Variants in TCF7L2 observed in about 807,000 individuals in gnomAD.
TCF7L2 encodes transcription factor 7-like 2.
Under a neutral mutation model 77.9 loss-of-function variants are expected in TCF7L2, and 23 were observed. The ratio of observed to expected loss-of-function variants is 0.30; its 90% CI spans 0.21 to 0.42. TCF7L2 has a LOEUF of 0.42. Ranked by LOEUF, TCF7L2 falls within the 10% of genes least tolerant of loss-of-function variation. TCF7L2 has a pLI of 1.00. For missense variants in TCF7L2, 654 were observed against 793.1 expected (o/e 0.82, Z 2.11); for synonymous variants, 413 against 340.2 (o/e 1.21, Z -2.36).
At chr10:113,161,853 C>T (rs923102989) in intron 13 of TCF7L2, among the ~76,000 whole-genome samples, 4 of 152,182 alleles carry the variant, frequency 2.6e-5, no homozygotes, top group Non-Finnish European at 4.4e-5. Context: ...AGAGTATTCC[C>T]TGAGAGGGAG....
intron 5 of TCF7L2, among the ~76,000 whole-genome samples, chr10:113,088,400 TG>T (rs1364740804): frequency 1.3e-5 from 2 of 152,140 alleles, no homozygotes; most frequent in Admixed American, 1.3e-4. Context: ...CTCTGTGAAA[TG>T]GGCATGATAC....
At chr10:113,000,043 G>A (rs1285811786) in intron 4 of TCF7L2, among the ~76,000 whole-genome samples, 1 of 152,194 alleles carries the variant, frequency 6.6e-6, no homozygotes, top group East Asian at 1.9e-4. Context: ...CACTGTCTAA[G>A]CAGTTGCCTC....
At chr10:113,156,690 A>T (rs941544164) in intron 11 of TCF7L2, among the ~76,000 whole-genome samples, 1 of 152,194 alleles carries the variant, frequency 6.6e-6, no homozygotes, top group African/African-American at 2.4e-5. Flanking sequence ...AGGTTGGAGA[A>T]TATGAAAGAC....
intron 7 of TCF7L2, among the ~76,000 whole-genome samples, chr10:113,145,608 G>A (rs1294330447): frequency 1.3e-5 from 2 of 151,954 alleles, no homozygotes; most frequent in African/African-American, 4.8e-5. Context: ...AAGCGCAACT[G>A]AAGTCCTTTG....
At chr10:112,998,072 G>C (rs138156104) in intron 4 of TCF7L2, among the ~76,000 whole-genome samples, 447 of 151,332 alleles carry the variant, frequency 3.0e-3, no homozygotes, top group Non-Finnish European at 4.8e-3. Context: ...GAGATGAGGT[G>C]GGGAGGAGGG....
chr10:113,034,680 G>A (rs1269743037), intron 4 of TCF7L2, among the ~76,000 whole-genome samples: 2 of 152,144 alleles, frequency 1.3e-5, no homozygotes, highest in African/African-American at 4.8e-5. Flanking sequence ...AGGGTCATCT[G>A]AGGTCAGGAG....
At chr10:113,021,790 G>A (rs1212074912) in intron 4 of TCF7L2, among the ~76,000 whole-genome samples, 1 of 152,164 alleles carries the variant, frequency 6.6e-6, no homozygotes, top group Non-Finnish European at 1.5e-5. Flanking sequence ...TTGACAGCGT[G>A]GACTTTTGCT....
chr10:112,996,779 G>A (rs1316507059), intron 4 of TCF7L2, among the ~76,000 whole-genome samples: 1 of 152,182 alleles, frequency 6.6e-6, no homozygotes, highest in East Asian at 1.9e-4. Context: ...TGAAAGTCAT[G>A]GTTCGTTAAA....
At chr10:113,139,433 G>A (rs535604433) in intron 5 of TCF7L2, among the ~76,000 whole-genome samples, 1 of 152,126 alleles carries the variant, frequency 6.6e-6, no homozygotes, top group African/African-American at 2.4e-5. Context: ...CTTCACCCTG[G>A]CCATGGCCTG....
At chr10:113,108,374 C>T (rs1379871656) in intron 5 of TCF7L2, among the ~76,000 whole-genome samples, 1 of 151,854 alleles carries the variant, frequency 6.6e-6, no homozygotes, top group African/African-American at 2.4e-5. Context: ...CTTTTGTGTC[C>T]GGTGCTCTCC....
At chr10:113,029,757 G>T (rs988496109) in intron 4 of TCF7L2, among the ~76,000 whole-genome samples, 3 of 151,992 alleles carry the variant, frequency 2.0e-5, no homozygotes, top group African/African-American at 7.3e-5. Flanking sequence ...ACAAACTCCT[G>T]ACCTCAGGTG....
At chr10:113,078,479 C>T (rs1166677430) in intron 5 of TCF7L2, among the ~76,000 whole-genome samples, 2 of 152,200 alleles carry the variant, frequency 1.3e-5, no homozygotes, top group African/African-American at 2.4e-5. Flanking sequence ...CAGCTCACTG[C>T]GGCCTTGACC....
At chr10:113,031,584 T>C (rs1272828670) in intron 4 of TCF7L2, among the ~76,000 whole-genome samples, 1 of 151,418 alleles carries the variant, frequency 6.6e-6, no homozygotes, top group Non-Finnish European at 1.5e-5. Context: ...GCCTCCCAGG[T>C]TCAAGCAATT....
In TCF7L2 at chr10:113,140,098, A is replaced by AT. The variant is rs1277753827; in HGVS notation, c.553-1082dup. 7.9e-5 allele frequency among the ~76,000 whole-genome samples: 12 copies of AT among 152,212 alleles called. No individual in the cohort carries two copies. The South Asian group carries it at 1.0e-3, about 13-fold the overall frequency. On this transcript the variant is annotated intron_variant, in intron 5 of 13. Coordinates refer to ENST00000627217, the MANE Select transcript of TCF7L2 (RefSeq NM_001146274.2). ...TCTGGTTAAATGTCCCTGTTGTAGGATTTTAGCGAAAATCCTCTATGGGGA... is the reference window on the plus strand; with the variant it reads ...TCTGGTTAAATGTCCCTGTTGTAGGATTTTTAGCGAAAATCCTCTATGGGGA...
At chr10:112,961,162 C>T (rs929179292) in intron 3 of TCF7L2, among the ~76,000 whole-genome samples, 16 of 151,890 alleles carry the variant, frequency 1.1e-4, no homozygotes, top group African/African-American at 3.4e-4. Flanking sequence ...TACAGGAATG[C>T]GCCACCACGC....
At chr10:113,058,016 A>C (rs2055694964) in intron 5 of TCF7L2, among the ~76,000 whole-genome samples, 1 of 152,112 alleles carries the variant, frequency 6.6e-6, no homozygotes, top group African/African-American at 2.4e-5. Context: ...GCCTAGAAGG[A>C]CCCTCATCGA....
intron 3 of TCF7L2, among the ~76,000 whole-genome samples, chr10:112,954,154 C>G (rs1304663645): frequency 6.6e-6 from 1 of 151,722 alleles, no homozygotes; most frequent in African/African-American, 2.4e-5. Context: ...GCGGGCTTCC[C>G]ATACTCTTCT....
chr10:113,048,154 T>G (rs1308871699), intron 5 of TCF7L2, among the ~76,000 whole-genome samples: 1 of 152,190 alleles, frequency 6.6e-6, no homozygotes, highest in Non-Finnish European at 1.5e-5. Context: ...TGTTTTTGTT[T>G]CGGCACCTGC....
At chr10:113,070,869 G>C (rs1409109651) in intron 5 of TCF7L2, among the ~76,000 whole-genome samples, 1 of 152,146 alleles carries the variant, frequency 6.6e-6, no homozygotes, top group African/African-American at 2.4e-5. Flanking sequence ...TGCGAGCATC[G>C]TCACAGTCAA....
Sources: gnomAD v4.1 joint callset for allele counts (sites outside exome capture counted in the v4.1 genomes callset) on GRCh38, gnomAD v4.1.1 for gene constraint, MANE v1.5 for transcripts, NCBI Gene and HGNC (gene_info 2026-07-23, HGNC 2026-07-21) for gene names.